The following HMGB1 variants were observed in gnomAD, a reference collection of about 807,000 sequenced individuals.
The protein encoded by HMGB1 is high mobility group box 1, also known as high mobility group protein B1.
For synonymous variants in HMGB1, 81 were observed against 84.0 expected, an observed-to-expected ratio of 0.96 and a Z score of 0.19; for missense variants, 79 against 253.5, an observed-to-expected ratio of 0.31 and a Z score of 4.67.
At chr13:30,569,310 C>A (rs1870326423) in intron 1 of HMGB1, among the ~76,000 whole-genome samples, 1 of 152,238 alleles carries the variant, frequency 6.6e-6, no homozygotes, top group East Asian at 1.9e-4. Flanking sequence ...CCTCTTTCCA[C>A]CAACTGTGTA....
chr13:30,572,207 C>T (rs1438040595), intron 1 of HMGB1, among the ~76,000 whole-genome samples: 1 of 152,156 alleles, frequency 6.6e-6, no homozygotes, highest in Non-Finnish European at 1.5e-5. Flanking sequence ...GATAAATGCT[C>T]AAAGTAGGAA....
intron 1 of HMGB1, among the ~76,000 whole-genome samples, chr13:30,603,970 AG>A (rs1263233630): frequency 6.6e-6 from 1 of 152,242 alleles, no homozygotes; most frequent in Non-Finnish European, 1.5e-5. Flanking sequence ...ATGGATACCA[AG>A]GAACGACTGT....
At chr13:30,585,770 A>G (rs1035221439) in intron 1 of HMGB1, among the ~76,000 whole-genome samples, 2 of 152,200 alleles carry the variant, frequency 1.3e-5, no homozygotes, top group Admixed American at 1.3e-4. Flanking sequence ...GTTTATGACT[A>G]ACTACTAGCT....
intron 1 of HMGB1, among the ~76,000 whole-genome samples, chr13:30,523,733 G>T (rs1888289942): frequency 1.1e-5 from 1 of 87,820 alleles, no homozygotes; most frequent in Non-Finnish European, 2.5e-5. Context: ...ATTTGTTTTT[G>T]TTGGGCCCTT....
At chr13:30,596,228 A>AAT (rs1473246799) in intron 1 of HMGB1, among the ~76,000 whole-genome samples, 1 of 152,206 alleles carries the variant, frequency 6.6e-6, no homozygotes, top group Non-Finnish European at 1.5e-5. Context: ...TACACACCAG[A>AAT]ATATATATAA....
At chr13:30,500,054 G>A (rs1004029256) in intron 1 of HMGB1, among the ~76,000 whole-genome samples, 1 of 152,214 alleles carries the variant, frequency 6.6e-6, no homozygotes, top group Admixed American at 6.5e-5. Flanking sequence ...GCCATCAGGT[G>A]AAGTGAGTTC....
intron 1 of HMGB1, among the ~76,000 whole-genome samples, chr13:30,472,475 C>G (rs1419982883): frequency 6.6e-6 from 1 of 152,168 alleles, no homozygotes; most frequent in African/African-American, 2.4e-5. Flanking sequence ...GTGGCGCACA[C>G]CTGTACTCCC....
intron 1 of HMGB1, among the ~76,000 whole-genome samples, chr13:30,553,147 T>G (rs1366169983): frequency 1.3e-5 from 2 of 152,180 alleles, no homozygotes; most frequent in Non-Finnish European, 2.9e-5. Flanking sequence ...TCCCACAGGA[T>G]CAAGTAGCAG....
exon 1 of HMGB1, chr13:30,617,287 G>A (rs1239591939): frequency 6.6e-6 from 1 of 152,346 alleles, no homozygotes; most frequent in African/African-American, 2.4e-5. Context: ...CCCTGGCCTC[G>A]AAGATGGGCT....
intron 1 of HMGB1, among the ~76,000 whole-genome samples, chr13:30,591,444 T>C (rs1871366606): frequency 6.6e-6 from 1 of 152,120 alleles, no homozygotes; most frequent in South Asian, 2.1e-4. Flanking sequence ...ATATAATATA[T>C]TGTGCTAAGG....
At chr13:30,498,297 G>A (rs1887657238) in intron 1 of HMGB1, among the ~76,000 whole-genome samples, 1 of 152,140 alleles carries the variant, frequency 6.6e-6, no homozygotes, top group African/African-American at 2.4e-5. Flanking sequence ...TCCAGCCTGG[G>A]GAACAGAGTG....
At chr13:30,489,417 T>G (rs1041829780) in intron 1 of HMGB1, among the ~76,000 whole-genome samples, 1 of 152,194 alleles carries the variant, frequency 6.6e-6, no homozygotes, top group South Asian at 2.1e-4. Context: ...AAGATGCAGT[T>G]GTACTGGTGG....
In HMGB1 at chr13:30,499,838, C is replaced by T. The variant is rs541663468; in HGVS notation, c.-14-36144G>A. Among the ~76,000 whole-genome samples the T allele has an allele frequency of 1.6e-3, 237 of 152,322 alleles. 1 individual carries two copies. The highest frequency in any genetic ancestry group is 4.9e-3 in the Admixed American group (75 of 15,298). On this transcript the variant is annotated intron_variant, in intron 1 of 4. Coordinates refer to the HMGB1 transcript ENST00000405805. ...TTCAATTAAACAAAACTAAACCCTG[C>T]CCCAAGCCACTGGGATTTGGTTAAA...
At chr13:30,529,386 T>A (rs2137484280) in intron 1 of HMGB1, among the ~76,000 whole-genome samples, 1 of 152,314 alleles carries the variant, frequency 6.6e-6, no homozygotes, top group African/African-American at 2.4e-5. Context: ...GGACAACTAA[T>A]GAGGCAAGAA....
intron 1 of HMGB1, among the ~76,000 whole-genome samples, chr13:30,500,753 T>C (rs1887717714): frequency 6.6e-6 from 1 of 150,396 alleles, no homozygotes; most frequent in Non-Finnish European, 1.5e-5. Flanking sequence ...AGATGGATTC[T>C]TGCTCTGTCG....
At position 30,601,463 on chromosome 13, in the gene HMGB1, T is replaced by C. The variant is rs998418880; in HGVS notation, c.-15+15208A>G. Among the ~76,000 whole-genome samples the C allele has an allele frequency of 3.5e-5, 4 of 115,764 alleles. 1 individual carries two copies. The highest frequency in any genetic ancestry group is 6.8e-5 in the Non-Finnish European group (4 of 58,840). The allele number at this position is 115,764 out of a possible 152,430, so 75.9% of individuals were successfully genotyped here. On this transcript the variant is annotated intron_variant, in intron 1 of 4. Coordinates refer to the HMGB1 transcript ENST00000405805. ...GTCCTCACTTTAAAAATGAGGGTTG[T>C]GGCCGGGCGCGGTGGCTCACGCCTG...
Position 30,524,014 on chromosome 13 carries a change from A to G in HMGB1, c.-14-60320T>C, listed in dbSNP as rs142991638. ...CATGGAATACTATGCAGCCATAAAA[A>G]AGGATTAGTTCATGTCCTTTGCAGG... On this transcript the variant is annotated intron_variant, in intron 1 of 4. Coordinates refer to the HMGB1 transcript ENST00000405805. Among the ~76,000 whole-genome samples, 192 of 152,326 alleles carry G rather than the reference A, an allele frequency of 1.3e-3. 1 individual carries two copies. The highest frequency in any genetic ancestry group is 4.2e-3 in the African/African-American group (176 of 41,568).
intron 1 of HMGB1, among the ~76,000 whole-genome samples, chr13:30,564,389 C>G (rs1870099451): frequency 6.6e-6 from 1 of 151,988 alleles, no homozygotes; most frequent in African/African-American, 2.4e-5. Context: ...TCATTTGAAC[C>G]CAGGAGGCAG....
chr13:30,594,507 C>T (rs1871516103), intron 1 of HMGB1, among the ~76,000 whole-genome samples: 1 of 152,126 alleles, frequency 6.6e-6, no homozygotes, highest in Admixed American at 6.6e-5. Context: ...GCGTTAGTTC[C>T]GTTAGGATAA....
Sources: allele counts gnomAD v4.1 joint callset (sites outside exome capture counted in the v4.1 genomes callset), GRCh38; gene constraint gnomAD v4.1.1; transcripts MANE v1.5; gene names NCBI Gene and HGNC (gene_info 2026-07-23, HGNC 2026-07-21).